RAB3IP: variants seen among roughly 807,000 people sequenced by gnomAD.
RAB3IP encodes the protein rab-3A-interacting protein.
In RAB3IP, 36 loss-of-function variants were observed where a neutral mutation model predicts 59.1. That is an observed-to-expected ratio of 0.61 (90% confidence interval 0.47 to 0.80). The LOEUF (loss-of-function observed/expected upper bound fraction) is 0.80, where lower values mean the gene tolerates loss of function less well. Among genes scored for constraint, RAB3IP ranks in the 30% least tolerant of loss-of-function variants. The probability of loss-of-function intolerance (pLI) is 0.00; values close to 1 mark genes in which losing one functional copy is unlikely to be tolerated. For missense variants in RAB3IP, 511 were observed against 536.0 expected, an observed-to-expected ratio of 0.95 and a Z score of 0.46; for synonymous variants, 207 against 191.2, an observed-to-expected ratio of 1.08 and a Z score of -0.68.
intron 6 of RAB3IP, among the ~76,000 whole-genome samples, chr12:69,797,973 G>T (rs986165669): frequency 1.1e-4 from 17 of 152,064 alleles, no homozygotes; most frequent in Admixed American, 2.0e-4. Flanking sequence ...GAATAATGCC[G>T]CAATAAACAT....
chr12:69,760,415 G>A (rs1401879098), intron 3 of RAB3IP, among the ~76,000 whole-genome samples: 1 of 152,098 alleles, frequency 6.6e-6, no homozygotes, highest in Admixed American at 6.5e-5. Context: ...GAGGGAGACT[G>A]TGGGGAGAGG....
intron 3 of RAB3IP, among the ~76,000 whole-genome samples, chr12:69,765,666 A>T (rs969294124): frequency 1.3e-5 from 2 of 152,230 alleles, no homozygotes; most frequent in African/African-American, 4.8e-5. Context: ...GCCTCTGCAC[A>T]GGAGGAGTGA....
intron 1 of RAB3IP, among the ~76,000 whole-genome samples, chr12:69,747,590 T>C (rs542491290): frequency 2.6e-5 from 4 of 152,370 alleles, no homozygotes; most frequent in African/African-American, 9.6e-5. Context: ...CAAGAACCAC[T>C]GTGCCTGACC....
intron 3 of RAB3IP, among the ~76,000 whole-genome samples, chr12:69,759,748 A>AC (rs1401475657): frequency 4.8e-5 from 6 of 124,056 alleles, no homozygotes; most frequent in African/African-American, 1.6e-4. Context: ...GCGGGGGCTG[A>AC]CCCCCCACCT....
At chr12:69,766,246 G>A (rs1450868257) in intron 3 of RAB3IP, among the ~76,000 whole-genome samples, 1 of 152,104 alleles carries the variant, frequency 6.6e-6, no homozygotes, top group Middle Eastern at 3.2e-3. Context: ...CCTCAAATAT[G>A]TTTTCCAGGT....
intron 1 of RAB3IP, among the ~76,000 whole-genome samples, chr12:69,754,254 A>G (rs7296831): frequency 0.21 from 32,267 of 152,034 alleles, 4,160 homozygotes; most frequent in Middle Eastern, 0.35. Context: ...ATTTTAATCA[A>G]TGTTAACTTC....
intron 8 of RAB3IP, among the ~76,000 whole-genome samples, chr12:69,809,804 A>AT (rs1880113298): frequency 6.6e-6 from 1 of 151,866 alleles, no homozygotes; most frequent in Admixed American, 6.6e-5. Context: ...CATTCGTCTA[A>AT]TTTTTTTCAA....
intron 3 of RAB3IP, among the ~76,000 whole-genome samples, chr12:69,775,540 G>A (rs201115642): frequency 0.016 from 267 of 16,814 alleles, no homozygotes; most frequent in Middle Eastern, 0.038. Context: ...TATGATATTG[G>A]CTGTGGGTTT....
At chr12:69,760,418 G>A (rs1296708774) in intron 3 of RAB3IP, among the ~76,000 whole-genome samples, 1 of 151,840 alleles carries the variant, frequency 6.6e-6, no homozygotes, top group East Asian at 1.9e-4. Flanking sequence ...GGAGACTGTG[G>A]GGAGAGGGAG....
chr12:69,799,284 G>A (rs1157110852), intron 6 of RAB3IP, among the ~76,000 whole-genome samples: 2 of 152,194 alleles, frequency 1.3e-5, no homozygotes, highest in Non-Finnish European at 2.9e-5. Context: ...CATTTATGGT[G>A]TATCCAGTGC....
chr12:69,762,756 C>CAAAAA (rs11445702), intron 3 of RAB3IP, among the ~76,000 whole-genome samples: 325 of 76,432 alleles, frequency 4.3e-3, no homozygotes, highest in Non-Finnish European at 5.1e-3. Context: ...GACTCCGTCT[C>CAAAAA]AAAAAAAAAA....
rs1024565335 is a variant in RAB3IP, at chr12:69,816,844, C to T, written c.*1398C>T. 4 of 152,112 alleles carry T rather than the reference C, an allele frequency of 2.6e-5. No individual in the cohort carries two copies. Among genetic ancestry groups the T allele is most frequent in the African/African-American group, 7.2e-5 (3 of 41,410 alleles). The allele number at this position is 152,112 out of a possible 1,614,324, so 9.4% of individuals were successfully genotyped here. A position where few individuals can be genotyped will look rare whatever the true frequency, so the allele number is the denominator to read the frequency against. On this transcript the variant is annotated 3_prime_UTR_variant, in exon 11 of 11. Coordinates refer to ENST00000247833, the MANE Select transcript of RAB3IP (RefSeq NM_022456.5). ...TGTTCAGAGGTTTGGTCAATCTTAC[C>T]TGTAGATGACTTCAGCCACCAGGCT...
chr12:69,786,714 T>C (rs1875710620), intron 4 of RAB3IP, among the ~76,000 whole-genome samples: 1 of 152,168 alleles, frequency 6.6e-6, no homozygotes, highest in Non-Finnish European at 1.5e-5. Flanking sequence ...GTATGTTCTG[T>C]TACATGAAAT....
chr12:69,760,417 G>GGGGAGA (rs1051094033), intron 3 of RAB3IP, among the ~76,000 whole-genome samples: 5 of 152,208 alleles, frequency 3.3e-5, no homozygotes, highest in Admixed American at 2.6e-4. Flanking sequence ...GGGAGACTGT[G>GGGGAGA]GGGAGAGGGA....
rs576931181 is a variant in RAB3IP, at chr12:69,762,674, G to A, written c.510+6011G>A. The stretch of plus-strand genomic sequence containing the variant: ...TGGGAGGCTGAGGCAGGAGACTGGC[G>A]TGAACCCAGGAGGTGGAGCTTGCAG... On this transcript the variant is annotated intron_variant, in intron 3 of 10. Transcript: ENST00000247833. 1.4e-3 allele frequency among the ~76,000 whole-genome samples: 200 copies of A among 145,778 alleles called. 1 individual carries two copies. The highest frequency in any genetic ancestry group is 4.2e-3 in the Admixed American group (59 of 14,166).
At chr12:69,770,348 T>A (rs991776088) in intron 3 of RAB3IP, among the ~76,000 whole-genome samples, 1 of 152,210 alleles carries the variant, frequency 6.6e-6, no homozygotes, top group Non-Finnish European at 1.5e-5. Context: ...AGTGTTTGCA[T>A]ATAACCTATG....
At chr12:69,808,319 T>C (rs1053491273) in intron 8 of RAB3IP, among the ~76,000 whole-genome samples, 5 of 152,210 alleles carry the variant, frequency 3.3e-5, no homozygotes, top group African/African-American at 1.2e-4. Context: ...AACTATGTGG[T>C]CAACTTTGGA....
intron 4 of RAB3IP, among the ~76,000 whole-genome samples, chr12:69,785,929 CT>C (rs1172116418): frequency 6.6e-6 from 1 of 152,100 alleles, no homozygotes; most frequent in Non-Finnish European, 1.5e-5. Flanking sequence ...AAAGTGTCTC[CT>C]TTGGGTTAAG....
intron 7 of RAB3IP, 143 bp downstream of exon 7, chr12:69,800,480 C>A: frequency 1.9e-6 from 1 of 530,784 alleles, no homozygotes; most frequent in Non-Finnish European, 3.1e-6. Flanking sequence ...CCATTCCGTA[C>A]TAGAATCATG....
Sources: allele counts gnomAD v4.1 joint callset (sites outside exome capture counted in the v4.1 genomes callset), GRCh38; gene constraint gnomAD v4.1.1; transcripts MANE v1.5; gene names NCBI Gene and HGNC (gene_info 2026-07-23, HGNC 2026-07-21).